Variants in PRPF38B observed in about 807,000 individuals in gnomAD.
PRPF38B encodes the protein pre-mRNA-splicing factor 38B.
A neutral mutation model predicts 67.2 loss-of-function variants in PRPF38B; 18 were observed. The observed-to-expected ratio is 0.27, with a 90% CI of 0.19 to 0.40. PRPF38B has a LOEUF of 0.40. Ranked by LOEUF, PRPF38B falls within the 10% of genes least tolerant of loss-of-function variation. The probability of loss-of-function intolerance (pLI) is 1.00; values close to 1 mark genes in which losing one functional copy is unlikely to be tolerated. For missense variants in PRPF38B, 544 were observed against 684.9 expected (o/e 0.79, Z 2.30); for synonymous variants, 246 against 234.2 (o/e 1.05, Z -0.46).
intron 4 of PRPF38B, chr1:108,696,932 T>C: frequency 1.8e-6 from 1 of 556,496 alleles, no homozygotes; most frequent in Non-Finnish European, 3.2e-6. Flanking sequence ...TAAATTGTAA[T>C]TCGAGTCTCC....
intron 1 of PRPF38B, among the ~76,000 whole-genome samples, chr1:108,693,218 C>T (rs1344559050): frequency 6.6e-6 from 1 of 152,166 alleles, no homozygotes; most frequent in Non-Finnish European, 1.5e-5. Context: ...TGACGTGGAT[C>T]TGCTGAGCGC....
In PRPF38B at chr1:108,700,158, A is replaced by AG; in HGVS notation, c.*141dup. The AG allele has an allele frequency of 7.4e-7, 1 of 1,358,068 alleles. No individual in the cohort carries two copies. The highest frequency in any genetic ancestry group is 2.5e-5 in the East Asian group (1 of 39,390). The allele number at this position is 1,358,068 out of a possible 1,614,324, so 84.1% of individuals were successfully genotyped here. On this transcript the variant is annotated 3_prime_UTR_variant, in exon 6 of 6. Transcript: ENST00000370025. ...TGCATTTTCATTTCCTCTTTCGTGTAGGGAAGTGCCTTTGTAATTCCATTT... is the reference window on the plus strand; with the variant it reads ...TGCATTTTCATTTCCTCTTTCGTGTAGGGGAAGTGCCTTTGTAATTCCATTT...
intron 1 of PRPF38B, 40 bp downstream of exon 1, chr1:108,692,907 G>A: frequency 6.3e-7 from 1 of 1,582,482 alleles, no homozygotes; most frequent in East Asian, 2.3e-5. Context: ...GGTAAGTTCG[G>A]AAGAGGGGGT....
Position 108,702,896 on chromosome 1 carries a change from A to G in PRPF38B, c.*2876A>G, listed in dbSNP as rs926673556. ...AATCTTTTGCCTGTTTTTAATGTTC[A>G]ATTTGCAATTAAATTCTATACATGG... On this transcript the variant is annotated 3_prime_UTR_variant, in exon 6 of 6. Transcript: ENST00000370025. 1.2e-4 allele frequency among the ~76,000 whole-genome samples: 18 copies of G among 152,334 alleles called. No homozygotes were observed. Among genetic ancestry groups the G allele is most frequent in the Non-Finnish European group, 2.4e-4 (16 of 68,032 alleles).
At chr1:108,698,571 T>C in intron 4 of PRPF38B, 33 bp from the exon 5 acceptor site, 2 of 1,464,266 alleles carry the variant, frequency 1.4e-6, no homozygotes, top group East Asian at 4.6e-5. Context: ...AATACTTTTT[T>C]TGACGGCTAG....
chr1:108,696,001 T>C, intron 2 of PRPF38B, 42 bp from the exon 3 acceptor site: 1 of 1,589,766 alleles, frequency 6.3e-7, no homozygotes, highest in Non-Finnish European at 8.6e-7. Flanking sequence ...TAAGAGTCCG[T>C]TAATTATTTT....
intron 2 of PRPF38B, 99 bp downstream of exon 2, chr1:108,695,869 A>AT: frequency 7.1e-7 from 1 of 1,411,804 alleles, no homozygotes. Context: ...TTGAGTGACA[A>AT]TTTTTTTAAT....
At chr1:108,697,185 G>C (rs1179660053) in intron 4 of PRPF38B, 1 of 158,298 alleles carries the variant, frequency 6.3e-6, no homozygotes, top group Non-Finnish European at 1.4e-5. Context: ...AGAATTTGCT[G>C]TGAGCCAAGA....
In PRPF38B at chr1:108,699,541, A is replaced by G. The variant is rs1437326371; in HGVS notation, c.1162A>G (p.Arg388Gly). Reference protein sequence around the residue: ...REKERERSRERSKEQRSRGEV... With the variant: ...REKERERSREGSKEQRSRGEV... ...AAAAGAGAGAGAGCGATCAAGAGAA[A>G]GGTCCAAGGAACAGAGAAGTAGGGG... is the stretch of plus-strand genomic sequence containing the variant. Residue 388 changes from arginine to glycine, a missense_variant, in exon 6 of 6, where the codon AGG becomes GGG. Coordinates refer to ENST00000370025, the MANE Select transcript of PRPF38B (RefSeq NM_018061.4). 3 of 1,556,116 alleles carry G rather than the reference A, an allele frequency of 1.9e-6. No individual in the cohort carries two copies. The highest frequency in any genetic ancestry group is 2.4e-5 in the South Asian group (2 of 84,892).
chr1:108,696,844 T>A lies in PRPF38B; in HGVS notation c.558+507T>A. On this transcript the variant is annotated intron_variant, in intron 4 of 5. Transcript: ENST00000370025. ...TAAATAGGCTAAGTGTTTGGATGAC[T>A]TGTTCAAGGTGACAAAATTTTAATT... The A allele has an allele frequency of 3.0e-6, 2 of 664,420 alleles. 1 individual carries two copies. Among genetic ancestry groups the A allele is most frequent in the South Asian group, 3.3e-5 (2 of 60,180 alleles). The allele number at this position is 664,420 out of a possible 1,614,324, so 41.2% of individuals were successfully genotyped here. A position where few individuals can be genotyped will look rare whatever the true frequency, so the allele number is the denominator to read the frequency against.
In PRPF38B at chr1:108,702,107, A is replaced by G. The variant is rs747976637; in HGVS notation, c.*2087A>G. On this transcript the variant is annotated 3_prime_UTR_variant, in exon 6 of 6. Coordinates refer to ENST00000370025, the MANE Select transcript of PRPF38B (RefSeq NM_018061.4). ...TTGACAGTTCGATGATCGTCACTAC[A>G]TTTGATTTCTTGTGGGTTTTTAGTT... Among the ~76,000 whole-genome samples, 1 of 152,150 alleles carries G rather than the reference A, an allele frequency of 6.6e-6. No homozygotes were observed. The highest frequency in any genetic ancestry group is 1.5e-5 in the Non-Finnish European group (1 of 68,022).
intron 4 of PRPF38B, chr1:108,696,755 C>G: frequency 2.8e-6 from 2 of 716,944 alleles, no homozygotes; most frequent in Non-Finnish European, 5.2e-6. Context: ...CACCCTCTAG[C>G]TTCTTCCAAA....
Position 108,696,277 on chromosome 1 carries a change from A to G in PRPF38B, c.498A>G (p.Arg166=). 1 of 1,612,636 alleles carries G rather than the reference A, an allele frequency of 6.2e-7. No homozygotes were observed. Among genetic ancestry groups the G allele is most frequent in the Non-Finnish European group, 8.5e-7 (1 of 1,178,954 alleles). The change falls in exon 4 of 6, where the codon AGA becomes AGG. Residue 166 remains arginine (R), a splice_region_variant and synonymous_variant. Coordinates refer to ENST00000370025, the MANE Select transcript of PRPF38B (RefSeq NM_018061.4). ...TAATAATAGTCTTTTGTAATTCTAGATATACACAGCCCCCTACAGATCTGT... is the reference window on the plus strand; with the variant it reads ...TAATAATAGTCTTTTGTAATTCTAGGTATACACAGCCCCCTACAGATCTGT... ...YIRALGFMYI[R]YTQPPTDLWD... is the part of the protein sequence containing the mutation.
chr1:108,696,980 C>A (rs1049722361), intron 4 of PRPF38B: 2 of 541,680 alleles, frequency 3.7e-6, no homozygotes, highest in Non-Finnish European at 3.2e-6. Context: ...AGATTTAAAT[C>A]GTGTATGCAT....
Position 108,699,351 on chromosome 1 carries a change from G to A in PRPF38B, c.972G>A (p.Gly324=). 1 of 1,614,170 alleles carries A rather than the reference G, an allele frequency of 6.2e-7. No individual in the cohort carries two copies. Among genetic ancestry groups the A allele is most frequent in the East Asian group, 2.2e-5 (1 of 44,876 alleles). ...ERRRSRSIDR[G]LERRRSRSRE... is the part of the protein sequence containing the mutation. ...GAAGATCCCGAAGTATTGACCGGGG[G>A]TTAGAACGCAGGCGCAGCAGAAGTA... The change falls in exon 6 of 6, where the codon GGG becomes GGA. Residue 324 remains glycine, a synonymous_variant. Transcript: ENST00000370025.
intron 2 of PRPF38B, 31 bp from the exon 3 acceptor site, chr1:108,696,012 A>G: frequency 6.2e-7 from 1 of 1,600,290 alleles, no homozygotes; most frequent in South Asian, 1.1e-5. Context: ...TAATTATTTT[A>G]CTACTTTTTC....
rs747261446 is a variant in PRPF38B, at chr1:108,692,556, C to A, written c.-36C>A. The A allele has an allele frequency of 1.4e-5, 21 of 1,498,822 alleles. No individual in the cohort carries two copies. In the South Asian group the frequency reaches 1.9e-4, roughly 14 times the overall value. The allele number at this position is 1,498,822 out of a possible 1,614,324, so 92.8% of individuals were successfully genotyped here. A position where few individuals can be genotyped will look rare whatever the true frequency, so the allele number is the denominator to read the frequency against. ...GCGAGATCGAGCTTGGCCCCCTCCC[C>A]CCCCTCCTTCCCTCCCTCCTTCCTT... On this transcript the variant is annotated 5_prime_UTR_variant, in exon 1 of 6. Coordinates refer to ENST00000370025, the MANE Select transcript of PRPF38B (RefSeq NM_018061.4).
At chr1:108,693,250 G>T (rs1460017585) in intron 1 of PRPF38B, among the ~76,000 whole-genome samples, 2 of 152,078 alleles carry the variant, frequency 1.3e-5, no homozygotes, top group African/African-American at 2.4e-5. Context: ...TGCTTCTCCC[G>T]CTCACCCCTG....
chr1:108,693,577 G>C, intron 1 of PRPF38B: 1 of 984,040 alleles, frequency 1.0e-6, no homozygotes, highest in Non-Finnish European at 1.2e-6. Flanking sequence ...CTCAGTTCTT[G>C]TTTCGTTAGC....
Sources: gnomAD v4.1 joint callset for allele counts (sites outside exome capture counted in the v4.1 genomes callset) on GRCh38, gnomAD v4.1.1 for gene constraint, MANE v1.5 for transcripts, NCBI Gene and HGNC (gene_info 2026-07-23, HGNC 2026-07-21) for gene names.